Variants in TCF3 observed in about 807,000 individuals in gnomAD.
The protein encoded by TCF3 is transcription factor 3.
A neutral mutation model predicts 72.3 loss-of-function variants in TCF3; 54 were observed. The ratio of observed to expected loss-of-function variants is 0.75; its 90% CI spans 0.60 to 0.94. The LOEUF (loss-of-function observed/expected upper bound fraction) is 0.94, where lower values mean the gene tolerates loss of function less well. Ranked by LOEUF, TCF3 falls within the 40% of genes least tolerant of loss-of-function variation. The pLI is 0.00. For synonymous variants in TCF3, 525 were observed against 412.6 expected, an observed-to-expected ratio of 1.27 and a Z score of -3.30; for missense variants, 1,078 against 934.4, an observed-to-expected ratio of 1.15 and a Z score of -2.00.
At chr19:1,644,784 G>C (rs1016767176) in intron 3 of TCF3, among the ~76,000 whole-genome samples, 1 of 152,118 alleles carries the variant, frequency 6.6e-6, no homozygotes, top group Non-Finnish European at 1.5e-5. Context: ...GGCGACAGGG[G>C]ACGAGGGAAG....
chr19:1,621,246 C>T (rs1378390420), intron 11 of TCF3, 55 bp from the exon 12 acceptor site: 25 of 1,514,396 alleles, frequency 1.7e-5, no homozygotes, highest in Middle Eastern at 2.3e-4. Flanking sequence ...CTGCCGCCGA[C>T]GGCAAGCTCT....
In TCF3 at chr19:1,615,193, C is replaced by T; in HGVS notation, c.1822+92G>A. The stretch of plus-strand genomic sequence containing the variant: ...GCAACTGCTGCAGAGGGAGGGCTGG[C>T]TCCAGGAAGGCGGGCGGGGAAGGAG... On this transcript the variant is annotated intron_variant, in intron 18 of 18. Coordinates refer to ENST00000262965, the MANE Select transcript of TCF3 (RefSeq NM_003200.5). This position sits in a 1 kb window ranked among gnomAD's most constrained non-coding sequence, Gnocchi z 7.3. The T allele has an allele frequency of 6.9e-7, 1 of 1,451,730 alleles. No individual in the cohort carries two copies. The highest frequency in any genetic ancestry group is 9.1e-7 in the Non-Finnish European group (1 of 1,094,918). The allele number at this position is 1,451,730 out of a possible 1,614,324, so 89.9% of individuals were successfully genotyped here.
chr19:1,622,299 G>A lies in TCF3; in HGVS notation c.652+14C>T, dbSNP rs769461254. 1.8e-5 allele frequency: 27 copies of A among 1,515,450 alleles called. No homozygotes were observed. The highest frequency in any genetic ancestry group is 1.2e-4 in the East Asian group (5 of 42,372). 93.9% of individuals were successfully genotyped at this position (1,515,450 alleles called of 1,614,324 possible). A position where few individuals can be genotyped will look rare whatever the true frequency, so the allele number is the denominator to read the frequency against. On this transcript the variant is annotated intron_variant, in intron 9 of 18. Transcript: ENST00000262965. ...GCCCTACCGTCCCTGGCGAGCCCCC[G>A]CCCTGCCATGTACCTGCCACGTAGA...
intron 3 of TCF3, 38 bp downstream of exon 3, chr19:1,646,317 C>T: frequency 6.5e-7 from 1 of 1,545,240 alleles, no homozygotes; most frequent in African/African-American, 1.4e-5. Context: ...CCTTGATCTC[C>T]TCACTCCACG....
chr19:1,618,960 C>T, intron 16 of TCF3, 151 bp downstream of exon 16: 2 of 1,311,322 alleles, frequency 1.5e-6, no homozygotes, highest in Non-Finnish European at 2.1e-6. Context: ...TCTTACCCAC[C>T]CTCCTGAAGT....
Position 1,631,954 on chromosome 19 carries a change from G to C in TCF3, c.298+84C>G, listed in dbSNP as rs1263292519. ...TGGGTGAACGCTGGGGACTTGCCTGGCGCTGTGCGTGCACTGACCATGCCA... is the reference window on the plus strand; with the variant it reads ...TGGGTGAACGCTGGGGACTTGCCTGCCGCTGTGCGTGCACTGACCATGCCA... On this transcript the variant is annotated intron_variant, in intron 5 of 18. Transcript: ENST00000262965. 2.6e-6 allele frequency: 4 copies of C among 1,555,984 alleles called. No individual in the cohort carries two copies. The Admixed American group carries it at 7.7e-5, about 30-fold the overall frequency.
chr19:1,648,878 A>C (rs2066557335), intron 2 of TCF3, among the ~76,000 whole-genome samples: 1 of 151,720 alleles, frequency 6.6e-6, no homozygotes, highest in African/African-American at 2.4e-5. Flanking sequence ...AAACAAACCA[A>C]GGTCCCTGGG....
In TCF3 at chr19:1,611,691, C is replaced by G. The variant is rs1266111688; in HGVS notation, c.*16G>C. The G allele has an allele frequency of 6.2e-7, 1 of 1,608,282 alleles. No homozygotes were observed. The highest frequency in any genetic ancestry group is 8.5e-7 in the Non-Finnish European group (1 of 1,176,636). On this transcript the variant is annotated 3_prime_UTR_variant, in exon 19 of 19. Coordinates refer to ENST00000262965, the MANE Select transcript of TCF3 (RefSeq NM_003200.5). ...AGGGCTGAAAGCGGGTGGCTCGTCC[C>G]ACGGAGGCATACCTTTCACATGTGC...
intron 1 of TCF3, chr19:1,650,749 C>T (rs2066895749): frequency 8.6e-6 from 2 of 232,674 alleles, no homozygotes; most frequent in Non-Finnish European, 1.7e-5. Context: ...ATTCCCCCCT[C>T]CCCCAGCAGA....
intron 9 of TCF3, 23 bp from the exon 10 acceptor site, chr19:1,622,246 T>C: frequency 1.3e-6 from 2 of 1,520,638 alleles, no homozygotes; most frequent in East Asian, 2.4e-5. Context: ...GCTGGTAAGG[T>C]GGGGGCCGAG....
In TCF3 at chr19:1,652,422, G is replaced by A. The variant is rs998045406; in HGVS notation, c.-162C>T. The A allele has an allele frequency of 1.4e-5, 2 of 142,630 alleles. No homozygotes were observed. The highest frequency in any genetic ancestry group is 3.1e-5 in the Non-Finnish European group (2 of 64,324). The allele number at this position is 142,630 out of a possible 1,614,324, so 8.8% of individuals were successfully genotyped here. A position where few individuals can be genotyped will look rare whatever the true frequency, so the allele number is the denominator to read the frequency against. On this transcript the variant is annotated 5_prime_UTR_variant, in exon 1 of 19. Transcript: ENST00000262965. ...CGAGGGTCGCGCGTGGGCGGCGGCG[G>A]CGGCGCGCGTGGCCCGGGCCCCTCC...
At chr19:1,638,326 G>A (rs1033392967) in intron 3 of TCF3, among the ~76,000 whole-genome samples, 1 of 152,224 alleles carries the variant, frequency 6.6e-6, no homozygotes. Context: ...TTCCTAGTAA[G>A]ATGCAAATAC....
At chr19:1,629,724 G>A (rs977928720) in intron 5 of TCF3, among the ~76,000 whole-genome samples, 1 of 152,200 alleles carries the variant, frequency 6.6e-6, no homozygotes, top group Non-Finnish European at 1.5e-5. Flanking sequence ...GAATGTGACT[G>A]GGGCTGCTGT....
At chr19:1,627,060 C>A (rs1276240723) in intron 6 of TCF3, among the ~76,000 whole-genome samples, 2 of 152,182 alleles carry the variant, frequency 1.3e-5, no homozygotes, top group Non-Finnish European at 2.9e-5. Context: ...GGGGTCCACA[C>A]CTGCAAAGCC....
In TCF3 at chr19:1,632,345, A is replaced by G. The variant is rs761105519; in HGVS notation, c.206T>C (p.Phe69Ser). ...GGGGACTCCTACCCGGCTGGGGTCA[A>G]AGGAGGAGCTGCTCTGGTCGCCGCT... is the stretch of plus-strand genomic sequence containing the variant. ...WGSGDQSSSS[F>S]DPSRTFSEGT... Residue 69 changes from phenylalanine (F) to serine (S), a missense_variant, in exon 4 of 19, where the codon TTT becomes TCT. Physicochemically the swap from Phe to Ser is radical, Grantham distance 155 (BLOSUM62 -2). Coordinates refer to ENST00000262965, the MANE Select transcript of TCF3 (RefSeq NM_003200.5). 7 of 1,589,490 alleles carry G rather than the reference A, an allele frequency of 4.4e-6. No homozygotes were observed. Among genetic ancestry groups the G allele is most frequent in the Non-Finnish European group, 6.0e-6 (7 of 1,168,346 alleles).
chr19:1,623,168 G>C (rs545454802), intron 8 of TCF3, among the ~76,000 whole-genome samples: 44 of 152,202 alleles, frequency 2.9e-4, no homozygotes, highest in Non-Finnish European at 5.7e-4. Flanking sequence ...TGTATGCCCA[G>C]GGCTCTTGGG....
chr19:1,609,634 A>C lies in TCF3; in HGVS notation c.*2073T>G. 4.5e-6 allele frequency: 1 copy of C among 223,282 alleles called. No individual in the cohort carries two copies. Among genetic ancestry groups the C allele is most frequent in the Non-Finnish European group, 8.9e-6 (1 of 112,254 alleles). The allele number at this position is 223,282 out of a possible 1,614,324, so 13.8% of individuals were successfully genotyped here. ...GGGCCAGGAGCAAAACAAGAGGGAG[A>C]GGCAAGTTCCCTTAAGAGATCAAAC... On this transcript the variant is annotated 3_prime_UTR_variant, in exon 19 of 19. Coordinates refer to ENST00000262965, the MANE Select transcript of TCF3 (RefSeq NM_003200.5).
At position 1,619,185 on chromosome 19, in the gene TCF3, A is replaced by C. The variant is rs761036422; in HGVS notation, c.1376T>G (p.Met459Arg). The C allele has an allele frequency of 1.2e-6, 2 of 1,600,316 alleles. No homozygotes were observed. Among genetic ancestry groups the C allele is most frequent in the East Asian group, 2.2e-5 (1 of 44,872 alleles). The change falls in exon 16 of 19, where the codon ATG becomes AGG. Residue 459 changes from methionine to arginine, a missense_variant. Coordinates refer to ENST00000262965, the MANE Select transcript of TCF3 (RefSeq NM_003200.5). ...GCTGGGGAGGGCCGCGTGGTTGTGC[A>C]TGAGGCTGGTGCTGCCTGCGAGGCC... ...EDGLAGSTSLMHNHAALPSQP... is the reference protein window; with the variant it reads ...EDGLAGSTSLRHNHAALPSQP...
At chr19:1,629,572 G>A (rs2063446005) in intron 5 of TCF3, among the ~76,000 whole-genome samples, 1 of 151,960 alleles carries the variant, frequency 6.6e-6, no homozygotes, top group Non-Finnish European at 1.5e-5. Flanking sequence ...TACGGAGGAG[G>A]ACAGCCTGCC....
Sources: gnomAD v4.1 joint callset for allele counts (sites outside exome capture counted in the v4.1 genomes callset) on GRCh38, gnomAD v4.1.1 for gene constraint, Gnocchi (gnomAD v3.1) non-coding constraint, MANE v1.5 for transcripts, NCBI Gene and HGNC (gene_info 2026-07-23, HGNC 2026-07-21) for gene names.